Variants in SAMSN1 observed in about 807,000 individuals in gnomAD.
SAMSN1 encodes the protein SAM domain, SH3 domain and nuclear localization signals 1.
In SAMSN1, 31 loss-of-function variants were observed where a neutral mutation model predicts 42.0. That is an observed-to-expected ratio of 0.74 (90% CI 0.55 to 1.00). SAMSN1 has a LOEUF of 1.00. SAMSN1 is among the 50% of genes least tolerant of loss of function. The pLI, the probability that SAMSN1 is intolerant of heterozygous loss-of-function variation, is 0.00. For missense variants in SAMSN1, 464 were observed against 439.4 expected (o/e 1.06, Z -0.50); for synonymous variants, 178 against 151.9 (o/e 1.17, Z -1.26).
chr21:14,610,265 G>A lies in SAMSN1; in HGVS notation c.236-697C>T, dbSNP rs531692657. 4.7e-4 allele frequency among the ~76,000 whole-genome samples: 72 copies of A among 152,238 alleles called. No homozygotes were observed. The South Asian group carries it at 0.015, about 31-fold the overall frequency. On this transcript the variant is annotated intron_variant, in intron 4 of 15. Coordinates refer to the SAMSN1 transcript ENST00000647101. ...GAAAAGAACGCATTCCCAGGGCGGG[G>A]CCTCTAAAATGGCCACCCTAGGAGT...
chr21:14,599,343 C>T (rs540620634), intron 6 of SAMSN1, among the ~76,000 whole-genome samples: 1 of 151,806 alleles, frequency 6.6e-6, no homozygotes, highest in Admixed American at 6.7e-5. Context: ...AAGCATCTGG[C>T]ATTGCCCTTG....
At chr21:14,532,713 C>T (rs2123099569) in intron 1 of SAMSN1, among the ~76,000 whole-genome samples, 1 of 152,046 alleles carries the variant, frequency 6.6e-6, no homozygotes, top group East Asian at 1.9e-4. Flanking sequence ...TTGGTAATGA[C>T]TTTTTCATAA....
chr21:14,591,178 A>G (rs1354500509), intron 7 of SAMSN1: 4 of 152,196 alleles, frequency 2.6e-5, no homozygotes, highest in Non-Finnish European at 5.9e-5. Flanking sequence ...ATAGAAACTG[A>G]ACTTAAACTA....
At chr21:14,594,296 A>T (rs1379601720) in intron 6 of SAMSN1, among the ~76,000 whole-genome samples, 1 of 152,178 alleles carries the variant, frequency 6.6e-6, no homozygotes, top group Non-Finnish European at 1.5e-5. Flanking sequence ...ATGTGTATGT[A>T]TACATAGTAT....
chr21:14,521,195 A>T lies in SAMSN1; in HGVS notation c.84T>A (p.Asp28Glu), dbSNP rs940584878. 1.2e-6 allele frequency: 2 copies of T among 1,611,718 alleles called. No individual in the cohort carries two copies. Among genetic ancestry groups the T allele is most frequent in the Non-Finnish European group, 1.7e-6 (2 of 1,178,814 alleles). ...PKRSSSFGNF[D>E]RFRNNSLSKP... is the part of the protein sequence containing the mutation. ...TTGATAAAGAATTATTCCGAAAACG[A>T]TCGAAATTCCCAAAACTGCTGCTTC... Residue 28 changes from aspartate (D) to glutamate (E), a missense_variant, in exon 2 of 8, where the codon GAT (aspartate) becomes GAA (glutamate). Physicochemically the swap from Asp to Glu is conservative, Grantham distance 45. Transcript: ENST00000400566.
Position 14,498,667 on chromosome 21 carries a change from A to G in SAMSN1, c.769-75T>C, listed in dbSNP as rs1201021614. The G allele has an allele frequency of 4.9e-6, 6 of 1,230,066 alleles. No homozygotes were observed. The East Asian group carries it at 1.3e-4, about 27-fold the overall frequency. 76.2% of individuals were successfully genotyped at this position (1,230,066 alleles called of 1,614,324 possible). ...TTTTAGTTCTCTTTAGATTTAAAGA[A>G]AGTATAGAGATGCACATGGGGACCA... On this transcript the variant is annotated intron_variant, in intron 6 of 7. Transcript: ENST00000400566.
chr21:14,570,314 C>CCAATTT (rs1433919879), intron 2 of SAMSN1, among the ~76,000 whole-genome samples: 3 of 152,138 alleles, frequency 2.0e-5, no homozygotes, highest in Non-Finnish European at 4.4e-5. Flanking sequence ...TATTCATATG[C>CCAATTT]CCCTCTAAAA....
chr21:14,501,169 T>C (rs958761261), intron 5 of SAMSN1, among the ~76,000 whole-genome samples: 1 of 152,188 alleles, frequency 6.6e-6, no homozygotes, highest in African/African-American at 2.4e-5. Context: ...AGTTACTTAC[T>C]AGTTATAATG....
chr21:14,557,185 A>C (rs939273913), intron 2 of SAMSN1, among the ~76,000 whole-genome samples: 6 of 152,280 alleles, frequency 3.9e-5, no homozygotes, highest in African/African-American at 1.4e-4. Flanking sequence ...GAGCATGTGG[A>C]CTTTGGAGGA....
chr21:14,624,571 A>C (rs1458014616), intron 2 of SAMSN1, among the ~76,000 whole-genome samples: 2 of 152,224 alleles, frequency 1.3e-5, no homozygotes, highest in Non-Finnish European at 2.9e-5. Flanking sequence ...CCCAAGACTA[A>C]ACCAGGAAGA....
At position 14,510,472 on chromosome 21, in the gene SAMSN1, CAGA is replaced by C; in HGVS notation, c.410-14_410-12del. Reference sequence around the variant, plus strand: ...AGCTTGTTATGCCACCTGATGAAAGCAGAAGTTCACAGTTGTCATGGAAGACTT... The same window carrying C: ...AGCTTGTTATGCCACCTGATGAAAGCAGTTCACAGTTGTCATGGAAGACTT... On this transcript the variant is annotated splice_polypyrimidine_tract_variant and intron_variant, in intron 4 of 7. Transcript: ENST00000400566. 6.2e-7 allele frequency: 1 copy of C among 1,613,966 alleles called. No homozygotes were observed. Among genetic ancestry groups the C allele is most frequent in the South Asian group, 1.1e-5 (1 of 91,080 alleles).
intron 5 of SAMSN1, among the ~76,000 whole-genome samples, chr21:14,509,708 C>A (rs190623437): frequency 6.8e-4 from 104 of 152,286 alleles, no homozygotes; most frequent in African/African-American, 2.5e-3. Context: ...AACTGTGAGG[C>A]TTTTGGTTTT....
At chr21:14,653,981 ATAT>A (rs1240060334) in intron 1 of SAMSN1, among the ~76,000 whole-genome samples, 1 of 151,998 alleles carries the variant, frequency 6.6e-6, no homozygotes, top group East Asian at 1.9e-4. Context: ...AATAATAAAA[ATAT>A]TATTTATTCA....
At chr21:14,551,239 A>C (rs1980585592), upstream of SAMSN1, among the ~76,000 whole-genome samples, 1 of 152,122 alleles carries the variant, frequency 6.6e-6, no homozygotes, top group Non-Finnish European at 1.5e-5. Context: ...ATTTCCAAAG[A>C]GATAATGTAA....
chr21:14,530,245 A>G (rs1486292265), intron 1 of SAMSN1, among the ~76,000 whole-genome samples: 1 of 138,374 alleles, frequency 7.2e-6, no homozygotes, highest in Non-Finnish European at 1.5e-5. Context: ...TGAACCTGGG[A>G]GGCGGAGCTT....
intron 2 of SAMSN1, among the ~76,000 whole-genome samples, chr21:14,565,297 A>AC (rs1981079852): frequency 6.6e-6 from 1 of 151,806 alleles, no homozygotes; most frequent in South Asian, 2.1e-4. Context: ...AAAAAAAAAA[A>AC]AAAAAACATG....
At chr21:14,508,366 A>C (rs55734928) in intron 5 of SAMSN1, among the ~76,000 whole-genome samples, 6,935 of 152,238 alleles carry the variant, frequency 0.046, 489 homozygotes, top group African/African-American at 0.15. Flanking sequence ...AGAAAAAAAA[A>C]CAAACAATCC....
At chr21:14,646,287 A>C (rs1203277086) in intron 1 of SAMSN1, among the ~76,000 whole-genome samples, 1 of 152,188 alleles carries the variant, frequency 6.6e-6, no homozygotes, top group South Asian at 2.1e-4. Flanking sequence ...GAAACAAATA[A>C]CATACAATTG....
chr21:14,538,115 G>GT (rs1568796168), intron 1 of SAMSN1, among the ~76,000 whole-genome samples: 1 of 152,088 alleles, frequency 6.6e-6, no homozygotes, highest in Non-Finnish European at 1.5e-5. Flanking sequence ...GAGATATCTG[G>GT]TTTTTTGTTT....
Sources: allele counts gnomAD v4.1 joint callset (sites outside exome capture counted in the v4.1 genomes callset), GRCh38; gene constraint gnomAD v4.1.1; transcripts MANE v1.5; gene names NCBI Gene and HGNC (gene_info 2026-07-23, HGNC 2026-07-21).